FAM168A: variants seen among roughly 807,000 people sequenced by gnomAD.
FAM168A encodes the protein family with sequence similarity 168 member A, also known as protein FAM168A.
In FAM168A, 3 loss-of-function variants were observed where a neutral mutation model predicts 28.5. The observed-to-expected ratio is 0.11, with a 90% CI of 0.05 to 0.27. The LOEUF (loss-of-function observed/expected upper bound fraction) is 0.27, where lower values mean the gene tolerates loss of function less well. FAM168A is among the 10% of genes least tolerant of loss of function. The pLI, the probability that FAM168A is intolerant of heterozygous loss-of-function variation, is 1.00. For synonymous variants in FAM168A, 122 were observed against 124.2 expected, an observed-to-expected ratio of 0.98 and a Z score of 0.12; for missense variants, 222 against 311.5, an observed-to-expected ratio of 0.71 and a Z score of 2.16.
intron 1 of FAM168A, chr11:73,510,535 C>A (rs964497125): frequency 1.5e-5 from 3 of 197,270 alleles, no homozygotes; most frequent in African/African-American, 2.3e-5. Context: ...AATACTTTCA[C>A]TTTATTGGGC....
At chr11:73,461,942 T>A (rs1411858992) in intron 2 of FAM168A, among the ~76,000 whole-genome samples, 1 of 152,020 alleles carries the variant, frequency 6.6e-6, no homozygotes, top group African/African-American at 2.4e-5. Flanking sequence ...TGGCTATTAT[T>A]TAAAGAGAGA....
chr11:73,594,124 G>T (rs994224810), intron 1 of FAM168A, among the ~76,000 whole-genome samples: 1 of 152,116 alleles, frequency 6.6e-6, no homozygotes, highest in African/African-American at 2.4e-5. Flanking sequence ...TTGTGTGACA[G>T]GGTCTCATTC....
intron 1 of FAM168A, among the ~76,000 whole-genome samples, chr11:73,489,129 T>G (rs764131820): frequency 6.6e-6 from 1 of 152,176 alleles, no homozygotes; most frequent in Non-Finnish European, 1.5e-5. Context: ...TCTGCCCGCC[T>G]TGGCCTCCAA....
intron 2 of FAM168A, among the ~76,000 whole-genome samples, chr11:73,437,841 C>A (rs923993514): frequency 5.9e-5 from 9 of 152,116 alleles, no homozygotes; most frequent in African/African-American, 2.2e-4. Flanking sequence ...ATGAAGATAT[C>A]CATGATTCCT....
chr11:73,476,831 G>A (rs903937331), intron 1 of FAM168A, among the ~76,000 whole-genome samples: 11 of 152,036 alleles, frequency 7.2e-5, no homozygotes, highest in South Asian at 2.1e-4. Flanking sequence ...AGAAGCAAAC[G>A]TGAGCTGGCA....
chr11:73,516,040 G>A (rs1943299779), intron 1 of FAM168A, among the ~76,000 whole-genome samples: 1 of 151,562 alleles, frequency 6.6e-6, no homozygotes, highest in South Asian at 2.1e-4. Flanking sequence ...GGCGGAGGTT[G>A]CAGTGAGCCG....
chr11:73,596,632 C>T (rs932497081), intron 1 of FAM168A, among the ~76,000 whole-genome samples: 1 of 152,164 alleles, frequency 6.6e-6, no homozygotes, highest in Non-Finnish European at 1.5e-5. Flanking sequence ...CACCCAACCA[C>T]AGCCACCAAG....
rs375403061 is a variant in FAM168A at position 73,520,491 on chromosome 11, C to T, written c.-18-51999G>A. ...CATTATGCAAAAATGGGACTGTTTCCAAGACAAAGGAACATATGGTTTGAA... is the reference window on the plus strand; with the variant it reads ...CATTATGCAAAAATGGGACTGTTTCTAAGACAAAGGAACATATGGTTTGAA... On this transcript the variant is annotated intron_variant, in intron 1 of 7. Transcript: ENST00000356467. Among the ~76,000 whole-genome samples the T allele has an allele frequency of 2.7e-3, 404 of 152,124 alleles. 5 individuals carry two copies. Among genetic ancestry groups the T allele is most frequent in the African/African-American group, 8.4e-3 (350 of 41,504 alleles).
intron 2 of FAM168A, among the ~76,000 whole-genome samples, chr11:73,451,184 G>C (rs1224414925): frequency 6.6e-6 from 1 of 152,196 alleles, no homozygotes; most frequent in East Asian, 1.9e-4. Context: ...CTGGGAAGAA[G>C]GTGAGGCATA....
At chr11:73,507,926 C>T (rs1018438206) in intron 1 of FAM168A, among the ~76,000 whole-genome samples, 1 of 151,802 alleles carries the variant, frequency 6.6e-6, no homozygotes, top group Non-Finnish European at 1.5e-5. Context: ...GGAATTCAAT[C>T]CCCTGGGTAT....
At chr11:73,425,524 G>A (rs1866871967) in intron 3 of FAM168A, among the ~76,000 whole-genome samples, 1 of 152,264 alleles carries the variant, frequency 6.6e-6, no homozygotes. Context: ...CTGGGTCACT[G>A]TGGTGCTATA....
intron 1 of FAM168A, among the ~76,000 whole-genome samples, chr11:73,476,968 G>A (rs1867896899): frequency 6.6e-6 from 1 of 151,902 alleles, no homozygotes; most frequent in Admixed American, 6.6e-5. Context: ...AAGCATGAGA[G>A]TCCCAGAAAG....
At position 73,501,629 on chromosome 11, in the gene FAM168A, C is replaced by A. The variant is rs140100225; in HGVS notation, c.-18-33137G>T. 3.0e-3 allele frequency among the ~76,000 whole-genome samples: 458 copies of A among 152,268 alleles called. 1 individual carries two copies. The highest frequency in any genetic ancestry group is 0.01 in the African/African-American group (423 of 41,546). Reference sequence around the variant, plus strand: ...GAAATTAAGGCAGAATCAAGAAGTTCTTTGAAACCAATGAGAACAAAGAGA... The same window carrying A: ...GAAATTAAGGCAGAATCAAGAAGTTATTTGAAACCAATGAGAACAAAGAGA... On this transcript the variant is annotated intron_variant, in intron 1 of 7. Transcript: ENST00000356467.
At chr11:73,522,994 C>T (rs111916737) in intron 1 of FAM168A, among the ~76,000 whole-genome samples, 11,815 of 151,998 alleles carry the variant, frequency 0.078, 555 homozygotes, top group Non-Finnish European at 0.11. Context: ...GCCTGGGCAA[C>T]AGAGCAAGAC....
intron 3 of FAM168A, among the ~76,000 whole-genome samples, chr11:73,423,509 G>T (rs1436424606): frequency 6.6e-6 from 1 of 152,098 alleles, no homozygotes; most frequent in Admixed American, 6.5e-5. Context: ...TACAGCCACA[G>T]AAACTGCTTA....
At chr11:73,514,379 C>T (rs764239076) in intron 1 of FAM168A, among the ~76,000 whole-genome samples, 3 of 152,108 alleles carry the variant, frequency 2.0e-5, no homozygotes, top group Non-Finnish European at 4.4e-5. Flanking sequence ...TTGAGAAATT[C>T]TAATTGAATT....
intron 1 of FAM168A, among the ~76,000 whole-genome samples, chr11:73,515,782 G>GT (rs1943295920): frequency 6.6e-6 from 1 of 152,194 alleles, no homozygotes; most frequent in South Asian, 2.1e-4. Flanking sequence ...CATGAAAGAG[G>GT]TAACATTTTG....
rs372705621 is a variant in FAM168A at position 73,558,356 on chromosome 11, C to T, written c.-19+39567G>A. ...TGGTGGTGCACATCTGTAGTCCTAG[C>T]TACTTAGGAGTCTGAGACTGGAGGA... On this transcript the variant is annotated intron_variant, in intron 1 of 7. Coordinates refer to ENST00000356467, the MANE Select transcript of FAM168A (RefSeq NM_015159.3). 1.6e-3 allele frequency among the ~76,000 whole-genome samples: 238 copies of T among 151,418 alleles called. 1 individual carries two copies. The highest frequency in any genetic ancestry group is 5.5e-3 in the African/African-American group (229 of 41,272).
At chr11:73,501,918 G>A (rs1160352068) in intron 1 of FAM168A, among the ~76,000 whole-genome samples, 17 of 152,110 alleles carry the variant, frequency 1.1e-4, no homozygotes, top group East Asian at 3.9e-4. Flanking sequence ...TGGCTAACAC[G>A]GTGAAACCCC....
Sources: allele counts gnomAD v4.1 joint callset (sites outside exome capture counted in the v4.1 genomes callset), GRCh38; gene constraint gnomAD v4.1.1; transcripts MANE v1.5; gene names NCBI Gene and HGNC (gene_info 2026-07-23, HGNC 2026-07-21).